The following CEP44 variants were observed in gnomAD, a reference collection of about 807,000 sequenced individuals.
The protein encoded by CEP44 is centrosomal protein of 44 kDa.
A neutral mutation model predicts 46.7 loss-of-function variants in CEP44; 45 were observed. That is an observed-to-expected ratio of 0.96 (90% CI 0.76 to 1.24). The LOEUF (loss-of-function observed/expected upper bound fraction) is 1.24. Among genes scored for constraint, CEP44 ranks in the 50% most tolerant of loss-of-function variants. The pLI is 0.00. For missense variants in CEP44, 475 were observed against 459.7 expected, an observed-to-expected ratio of 1.03 and a Z score of -0.30; for synonymous variants, 142 against 146.0, an observed-to-expected ratio of 0.97 and a Z score of 0.20.
intron 4 of CEP44, 30 bp downstream of exon 4, chr4:174,302,216 T>G: frequency 7.0e-7 from 1 of 1,426,292 alleles, no homozygotes; most frequent in Non-Finnish European, 9.7e-7. Flanking sequence ...CAATAACTAT[T>G]AGTTATTGAA....
intron 3 of CEP44, 115 bp downstream of exon 3, chr4:174,299,325 G>C: frequency 2.9e-6 from 2 of 701,544 alleles, no homozygotes; most frequent in East Asian, 5.7e-5. Context: ...ATTTAAATCT[G>C]CCTTGAAATG....
In CEP44 at chr4:174,326,156, T is replaced by G. The variant is rs1443938301; in HGVS notation, c.1087-5326T>G. ...CTTTTTTGCCTCTTTTCCTGAATTA[T>G]TTTTCACTGGATATTTTTTAATGTT... On this transcript the variant is annotated intron_variant, in intron 8 of 8. Coordinates refer to the CEP44 transcript ENST00000426172. This position sits in a 1 kb window ranked among gnomAD's most constrained non-coding sequence, Gnocchi z 4.8. Among the ~76,000 whole-genome samples, 8 of 152,018 alleles carry G rather than the reference T, an allele frequency of 5.3e-5. No homozygotes were observed. The highest frequency in any genetic ancestry group is 1.9e-4 in the African/African-American group (8 of 41,442).
At chr4:174,307,824 A>AGG (rs1261679174) in intron 6 of CEP44, among the ~76,000 whole-genome samples, 15 of 152,238 alleles carry the variant, frequency 9.9e-5, no homozygotes, top group Non-Finnish European at 1.5e-4. Flanking sequence ...TCTGAAGAGA[A>AGG]GGTATACATG....
intron 1 of CEP44, among the ~76,000 whole-genome samples, chr4:174,293,687 G>GT (rs950148482): frequency 5.9e-5 from 9 of 151,822 alleles, no homozygotes; most frequent in South Asian, 2.1e-4. Flanking sequence ...CTTTTAGGGG[G>GT]TTTTTTTTGT....
intron 1 of CEP44, among the ~76,000 whole-genome samples, chr4:174,294,742 T>G (rs1738678573): frequency 2.5e-5 from 3 of 122,332 alleles, no homozygotes; most frequent in East Asian, 2.8e-4. Flanking sequence ...CCCACCTCCC[T>G]GCTGGGCGGG....
Position 174,326,549 on chromosome 4 carries a change from T to G in CEP44, c.1087-4933T>G, listed in dbSNP as rs1742682883. ...TATCTTTTTAAAAGGTTTAAATAAT[T>G]TTTTAAAAGTCTTTTATATGTGCCA... On this transcript the variant is annotated intron_variant, in intron 8 of 8. Coordinates refer to the CEP44 transcript ENST00000426172. The surrounding 1 kb of genome is among the most constrained non-coding windows in gnomAD (Gnocchi z 4.8). Among the ~76,000 whole-genome samples the G allele has an allele frequency of 6.6e-6, 1 of 152,040 alleles. No individual in the cohort carries two copies.
chr4:174,309,949 T>G lies in CEP44; in HGVS notation c.778T>G (p.Cys260Gly). The G allele has an allele frequency of 6.2e-7, 1 of 1,612,876 alleles. No individual in the cohort carries two copies. ...GACTTCGATAGAGAAAAGGTTAGAC[T>G]GTTTGGAACAAAAAATGAAAGGAAA... ...KLTSIEKRLDCLEQKMKGKVM... is the reference protein window; with the variant it reads ...KLTSIEKRLDGLEQKMKGKVM... Residue 260 changes from cysteine (C) to glycine (G), a missense_variant, in exon 8 of 12, where the codon TGT becomes GGT. By Grantham distance (159) the Cys-to-Gly change is radical. Transcript: ENST00000503780. The surrounding 1 kb of genome is among the most constrained non-coding windows in gnomAD (Gnocchi z 5.3).
Position 174,316,272 on chromosome 4 carries a change from T to G in CEP44, c.1068T>G (p.Gly356=), listed in dbSNP as rs1741703438. Residue 356 remains glycine (G), a synonymous_variant, in exon 10 of 12, where the codon GGT becomes GGG. Coordinates refer to ENST00000503780, the MANE Select transcript of CEP44 (RefSeq NM_001040157.3). ...GAGCCTCTACTGTTAATTACTGTGG[T>G]TTGAATGAGATTTCAGAGGTAAGAA... ...TPRASTVNYC[G]LNEISEETTI... is the part of the protein sequence containing the mutation. 1 of 1,611,016 alleles carries G rather than the reference T, an allele frequency of 6.2e-7. No individual in the cohort carries two copies. The highest frequency in any genetic ancestry group is 8.5e-7 in the Non-Finnish European group (1 of 1,177,356).
intron 1 of CEP44, among the ~76,000 whole-genome samples, chr4:174,285,849 T>G (rs1737534639): frequency 6.6e-6 from 1 of 152,198 alleles, no homozygotes; most frequent in African/African-American, 2.4e-5. Flanking sequence ...TTCAGGAAAG[T>G]AAAGGCTTAT....
downstream of CEP44, among the ~76,000 whole-genome samples, chr4:174,323,969 AT>A (rs751473090): frequency 1.4e-4 from 22 of 152,170 alleles, no homozygotes; most frequent in Admixed American, 5.9e-4. Context: ...GCTTAGTTGC[AT>A]TGACTTTTCG....
In CEP44 at chr4:174,292,380, G is replaced by A. The variant is rs902852681; in HGVS notation, c.-147-5586G>A. Among the ~76,000 whole-genome samples, 6 of 152,064 alleles carry A rather than the reference G, an allele frequency of 3.9e-5. No individual in the cohort carries two copies. In the South Asian group the frequency reaches 6.2e-4, roughly 16 times the overall value. ...ACCTATTTGGGAACTTTTGGGCTTC[G>A]TGAGTCTGGATGTCCATTTTCCTCC... On this transcript the variant is annotated intron_variant, in intron 1 of 11. Coordinates refer to ENST00000503780, the MANE Select transcript of CEP44 (RefSeq NM_001040157.3).
chr4:174,327,599 G>A (rs1731038305), intron 8 of CEP44, among the ~76,000 whole-genome samples: 2 of 151,928 alleles, frequency 1.3e-5, no homozygotes, highest in African/African-American at 2.4e-5. Context: ...ATTGTTGTAG[G>A]GCAAATAGGC....
In CEP44 at chr4:174,301,807, C is replaced by T. The variant is rs1012051600; in HGVS notation, c.90-232C>T. Among the ~76,000 whole-genome samples the T allele has an allele frequency of 6.6e-6, 1 of 151,934 alleles. No homozygotes were observed. ...ATGGTAAATAGTTGGTACTAGAGACCTATAGTAAGTTTTTTGAGCAGACGA... is the reference window on the plus strand; with the variant it reads ...ATGGTAAATAGTTGGTACTAGAGACTTATAGTAAGTTTTTTGAGCAGACGA... On this transcript the variant is annotated intron_variant, in intron 3 of 11. Transcript: ENST00000503780. The surrounding 1 kb of genome is among the most constrained non-coding windows in gnomAD (Gnocchi z 4.3).
chr4:174,284,149 C>T (rs764253169), intron 1 of CEP44: 4 of 398,494 alleles, frequency 1.0e-5, no homozygotes, highest in Non-Finnish European at 1.3e-5. Context: ...TGGTGAGCCC[C>T]GAGGAGACGG....
chr4:174,313,486 T>G (rs1741329248), intron 9 of CEP44, among the ~76,000 whole-genome samples: 1 of 150,724 alleles, frequency 6.6e-6, no homozygotes, highest in South Asian at 2.1e-4. Context: ...AGCAGAAGAG[T>G]AGAAAGATCA....
rs1731315227 is a variant in CEP44 at position 174,331,449 on chromosome 4, A to G, written c.1087-33A>G. ...CATTCTGCCAATGCATTTAGATCAT[A>G]TTTTAATGTATAATTTTGTGTTTCC... On this transcript the variant is annotated intron_variant, in intron 8 of 8. Transcript: ENST00000426172. This position sits in a 1 kb window ranked among gnomAD's most constrained non-coding sequence, Gnocchi z 4.5. 2.6e-6 allele frequency: 4 copies of G among 1,549,682 alleles called. No homozygotes were observed. Among genetic ancestry groups the G allele is most frequent in the Non-Finnish European group, 3.5e-6 (4 of 1,146,036 alleles).
At chr4:174,295,484 G>T (rs568074872) in intron 1 of CEP44, among the ~76,000 whole-genome samples, 100 of 151,490 alleles carry the variant, frequency 6.6e-4, no homozygotes, top group African/African-American at 2.4e-3. Context: ...GCCGGGCAGA[G>T]ACGCTCCTCA....
intron 1 of CEP44, among the ~76,000 whole-genome samples, chr4:174,294,632 G>T (rs574398311): frequency 6.6e-6 from 1 of 151,692 alleles, no homozygotes; most frequent in African/African-American, 2.4e-5. Context: ...GGGCAGAGGC[G>T]CCCCTCACCT....
At chr4:174,307,874 C>G (rs1016950276) in intron 6 of CEP44, among the ~76,000 whole-genome samples, 6 of 152,144 alleles carry the variant, frequency 3.9e-5, no homozygotes, top group East Asian at 1.9e-4. Context: ...CATCACTGAT[C>G]ATTAGAAAAA....
Sources: gnomAD v4.1 joint callset for allele counts (sites outside exome capture counted in the v4.1 genomes callset) on GRCh38, gnomAD v4.1.1 for gene constraint, Gnocchi (gnomAD v3.1) non-coding constraint, MANE v1.5 for transcripts, NCBI Gene and HGNC (gene_info 2026-07-23, HGNC 2026-07-21) for gene names.